Variants in ATP7A observed in about 807,000 individuals in gnomAD.
ATP7A encodes copper-transporting ATPase 1.
A neutral mutation model predicts 83.5 loss-of-function variants in ATP7A; 7 were observed. The ratio of observed to expected loss-of-function variants is 0.08; its 90% CI spans 0.05 to 0.16. ATP7A has a LOEUF of 0.16. Ranked by LOEUF, ATP7A falls within the 10% of genes least tolerant of loss-of-function variation. The pLI is 1.00. For synonymous variants in ATP7A, 354 were observed against 395.2 expected (o/e 0.90, Z 1.24); for missense variants, 940 against 1,120.8 (o/e 0.84, Z 2.30).
intron 1 of ATP7A, among the ~76,000 whole-genome samples, chrX:77,932,194 G>C (rs1480857722): frequency 9.1e-6 from 1 of 109,440 alleles, no homozygotes; most frequent in African/African-American, 3.3e-5. Flanking sequence ...CAGATGGGGC[G>C]GCCGGGCAGA....
chrX:78,011,273 G>C, intron 8 of ATP7A, 21 bp downstream of exon 8: 1 of 1,191,100 alleles, frequency 8.4e-7, no homozygotes. Flanking sequence ...TGGAGTGTCA[G>C]TAAAAAACAG....
At chrX:78,030,679 T>G (rs1194183052) in intron 15 of ATP7A, among the ~76,000 whole-genome samples, 1 of 106,972 alleles carries the variant, frequency 9.3e-6, no homozygotes, top group Non-Finnish European at 1.9e-5. Context: ...TTATTTTTCT[T>G]TTCTTTCTTT....
At chrX:77,939,272 G>C (rs781977123) in intron 1 of ATP7A, among the ~76,000 whole-genome samples, 1 of 109,696 alleles carries the variant, frequency 9.1e-6, no homozygotes, top group Admixed American at 9.8e-5. Flanking sequence ...ACTCCAGCCT[G>C]GGTGACAGAG....
chrX:77,968,928 C>G lies in ATP7A; in HGVS notation c.-21-2693C>G, dbSNP rs782660341. On this transcript the variant is annotated intron_variant, in intron 1 of 22. Transcript: ENST00000341514. ...CAGCTTCTATGGCTTTGCACACCGTCTCTTCATCCCCCAGAAACTGCATGG... is the reference window on the plus strand; with the variant it reads ...CAGCTTCTATGGCTTTGCACACCGTGTCTTCATCCCCCAGAAACTGCATGG... The G allele has an allele frequency of 2.5e-5, 30 of 1,208,926 alleles. No homozygotes were observed. The highest frequency in any genetic ancestry group is 2.4e-4 in the Admixed American group (11 of 45,804).
intron 1 of ATP7A, among the ~76,000 whole-genome samples, chrX:77,926,716 T>C (rs1399716514): frequency 9.1e-6 from 1 of 110,147 alleles, no homozygotes; most frequent in Non-Finnish European, 1.9e-5. Context: ...AATTTTTTTT[T>C]TTTTGAGATG....
chrX:77,992,854 T>A (rs782538760), intron 4 of ATP7A, among the ~76,000 whole-genome samples: 13 of 112,277 alleles, frequency 1.2e-4, no homozygotes, highest in Non-Finnish European at 2.4e-4. Context: ...CCTCAGGTGA[T>A]CTGCCCGCCT....
At chrX:78,026,424 C>T (rs1450923258) in intron 14 of ATP7A, among the ~76,000 whole-genome samples, 4 of 111,888 alleles carry the variant, frequency 3.6e-5, no homozygotes, top group Non-Finnish European at 5.6e-5. Context: ...TTGGAGCATC[C>T]AGATTTATAA....
chrX:77,931,619 C>G (rs868951836), intron 1 of ATP7A, among the ~76,000 whole-genome samples: 3 of 108,930 alleles, frequency 2.8e-5, no homozygotes, highest in Non-Finnish European at 5.8e-5. Flanking sequence ...ACCTCCCGGA[C>G]GGGGCGGCTG....
chrX:77,969,180 A>G, intron 1 of ATP7A: 2 of 1,209,722 alleles, frequency 1.7e-6, no homozygotes. Flanking sequence ...TCGGACTCTC[A>G]TAGGAGGGTA....
At chrX:77,944,585 C>T (rs781885842) in intron 1 of ATP7A, among the ~76,000 whole-genome samples, 24 of 109,987 alleles carry the variant, frequency 2.2e-4, no homozygotes, top group Non-Finnish European at 4.4e-4. Context: ...AGGTGCACTA[C>T]CACGCTCAGA....
At chrX:78,032,015 T>C (rs1603389484) in intron 16 of ATP7A, among the ~76,000 whole-genome samples, 1 of 112,426 alleles carries the variant, frequency 8.9e-6, no homozygotes, top group Middle Eastern at 4.6e-3. Flanking sequence ...TTCACCTTTT[T>C]AAAGTGTACA....
At chrX:78,015,148 G>T (rs2077853034) in intron 11 of ATP7A, among the ~76,000 whole-genome samples, 1 of 112,119 alleles carries the variant, frequency 8.9e-6, no homozygotes, top group African/African-American at 3.2e-5. Flanking sequence ...ATTCAAACAA[G>T]ATCCATGCAT....
At chrX:78,022,505 G>GTTTATTTATTTATTTA (rs34027769) in intron 14 of ATP7A, among the ~76,000 whole-genome samples, 7 of 95,782 alleles carry the variant, frequency 7.3e-5, no homozygotes, top group Non-Finnish European at 1.0e-4. Flanking sequence ...TTGTTTGTTT[G>GTTTATTTATTTATTTA]TTTATTTATT....
chrX:78,029,141 GAT>G lies in ATP7A; in HGVS notation c.2917-106_2917-105del, dbSNP rs782577543. On this transcript the variant is annotated intron_variant, in intron 14 of 22. Transcript: ENST00000341514. ...AAAATATATGTAGGTAGCTAGGTAG[GAT>G]ATGTCACTTTTTAAATTGTGGTTTT... 11 of 822,899 alleles carry G rather than the reference GAT, an allele frequency of 1.3e-5. No individual in the cohort carries two copies. The African/African-American group carries it at 2.2e-4, about 17-fold the overall frequency. The allele number at this position is 822,899 out of a possible 1,213,427, so 67.8% of individuals were successfully genotyped here. A position where few individuals can be genotyped will look rare whatever the true frequency, so the allele number is the denominator to read the frequency against.
In ATP7A at chrX:77,968,331, AAC is replaced by A. The variant is rs1226264320; in HGVS notation, c.-21-3286_-21-3285del. Among the ~76,000 whole-genome samples, 7 of 112,473 alleles carry A rather than the reference AAC, an allele frequency of 6.2e-5. No homozygotes were observed. The Admixed American group carries it at 6.6e-4, about 11-fold the overall frequency. ...ATACTTTTTTAATAAAAGTAAATAT[AAC>A]ACATAACGAAATTCAGGATTGATCC... On this transcript the variant is annotated intron_variant, in intron 1 of 22. Transcript: ENST00000341514.
intron 1 of ATP7A, among the ~76,000 whole-genome samples, chrX:77,959,779 C>T (rs1467559259): frequency 1.4e-4 from 16 of 112,296 alleles, no homozygotes; most frequent in Non-Finnish European, 3.0e-4. Context: ...AACATTGTTG[C>T]AATGAGCATT....
At chrX:77,946,265 A>G (rs1458452453) in intron 1 of ATP7A, among the ~76,000 whole-genome samples, 1 of 103,958 alleles carries the variant, frequency 9.6e-6, no homozygotes, top group Admixed American at 1.1e-4. Flanking sequence ...GCGCCATTGC[A>G]CTCCAGCCTG....
At position 77,932,470 on chromosome X, in the gene ATP7A, G is replaced by T. The variant is rs1281329702; in HGVS notation, c.-22+21635G>T. ...CTCACGTCCCAGACGATGGGCGGCC[G>T]GGCAGAGACACTCCTCACTTCCCAG... is the stretch of plus-strand genomic sequence containing the variant. On this transcript the variant is annotated intron_variant, in intron 1 of 22. Transcript: ENST00000341514. Among the ~76,000 whole-genome samples the T allele has an allele frequency of 3.6e-5, 4 of 112,310 alleles. No individual in the cohort carries two copies. In the Admixed American group the frequency reaches 3.7e-4, roughly 11 times the overall value.
chrX:78,011,868 G>A, intron 9 of ATP7A, 194 bp downstream of exon 9: 1 of 487,487 alleles, frequency 2.1e-6, no homozygotes, highest in Non-Finnish European at 3.6e-6. Context: ...CCCTAAGAAA[G>A]AGTTCAAGTT....
Sources: allele counts gnomAD v4.1 joint callset (sites outside exome capture counted in the v4.1 genomes callset), GRCh38; gene constraint gnomAD v4.1.1; transcripts MANE v1.5; gene names NCBI Gene and HGNC (gene_info 2026-07-23, HGNC 2026-07-21).